Variants in NVL observed in about 807,000 individuals in gnomAD.
The protein encoded by NVL is nuclear VCP like, also known as nuclear valosin-containing protein-like.
In NVL, 84 loss-of-function variants were observed where a neutral mutation model predicts 110.2. That is an observed-to-expected ratio of 0.76 (90% CI 0.64 to 0.91). NVL has a LOEUF of 0.91. Among genes scored for constraint, NVL ranks in the 40% least tolerant of loss-of-function variants. NVL has a pLI of 0.00. For missense variants in NVL, 882 were observed against 1,035.9 expected (o/e 0.85, Z 2.04); for synonymous variants, 354 against 361.1 (o/e 0.98, Z 0.22).
intron 2 of NVL, among the ~76,000 whole-genome samples, chr1:224,323,248 T>C (rs1185991770): frequency 6.6e-6 from 1 of 152,154 alleles, no homozygotes; most frequent in Non-Finnish European, 1.5e-5. Flanking sequence ...AGCAAAGTGT[T>C]GAAGTGTGGC....
At chr1:224,290,894 G>A (rs971310626) in intron 12 of NVL, among the ~76,000 whole-genome samples, 20 of 151,802 alleles carry the variant, frequency 1.3e-4, no homozygotes, top group African/African-American at 3.4e-4. Context: ...TGCTTGAACC[G>A]GGAGGCAGAG....
intron 21 of NVL, 52 bp downstream of exon 21, chr1:224,233,149 A>G: frequency 6.8e-7 from 1 of 1,464,704 alleles, no homozygotes. Context: ...CCAGGGCAAC[A>G]GTGGTTTTAA....
intron 16 of NVL, among the ~76,000 whole-genome samples, chr1:224,279,725 C>T (rs561269551): frequency 1.3e-5 from 2 of 152,046 alleles, no homozygotes; most frequent in Non-Finnish European, 2.9e-5. Context: ...ATAAATATTT[C>T]AGTATCTCTA....
chr1:224,318,226 T>C (rs952512814), intron 2 of NVL, among the ~76,000 whole-genome samples: 12 of 152,202 alleles, frequency 7.9e-5, no homozygotes, highest in African/African-American at 2.4e-4. Flanking sequence ...TCTTTACCTA[T>C]AGTATTCTCA....
At chr1:224,254,319 C>G (rs1662896284) in intron 18 of NVL, among the ~76,000 whole-genome samples, 1 of 150,896 alleles carries the variant, frequency 6.6e-6, no homozygotes, top group African/African-American at 2.4e-5. Flanking sequence ...TCTCGAACTC[C>G]TGACCTCGTG....
At chr1:224,250,177 A>T in intron 19 of NVL, 35 bp downstream of exon 19, 1 of 1,595,428 alleles carries the variant, frequency 6.3e-7, no homozygotes, top group Non-Finnish European at 8.5e-7. Flanking sequence ...AAACAAGAGA[A>T]ACATATACAA....
chr1:224,308,171 T>C lies in NVL; in HGVS notation c.435A>G (p.Glu145=). The C allele has an allele frequency of 6.2e-7, 1 of 1,614,086 alleles. No homozygotes were observed. Among genetic ancestry groups the C allele is most frequent in the Non-Finnish European group, 8.5e-7 (1 of 1,180,004 alleles). The change falls in exon 6 of 23, where the codon GAA becomes GAG. Residue 145 remains glutamate (E), a synonymous_variant. Coordinates refer to ENST00000281701, the MANE Select transcript of NVL (RefSeq NM_002533.4). ...VSNTPEMEQR[E]TTSSTPRISS... ...TTATCCGTGGTGTTGAAGAGGTGGT[T>C]TCTCTTTGCTCCATCTCAGGAGTAT...
chr1:224,258,979 TAAAAAAAAAAAA>T lies in NVL; in HGVS notation c.2183-8673_2183-8662del, dbSNP rs34767555. ...TTAACATGAGACCCTGTCTCTACAT[TAAAAAAAAAAAA>T]AAAAAAAAAAAAGGAAAGTAGATTA... On this transcript the variant is annotated intron_variant, in intron 18 of 22. Transcript: ENST00000281701. 1.5e-4 allele frequency among the ~76,000 whole-genome samples: 9 copies of T among 60,210 alleles called. 1 individual carries two copies. The highest frequency in any genetic ancestry group is 2.4e-4 in the Admixed American group (1 of 4,082). The allele number at this position is 60,210 out of a possible 152,430, so 39.5% of individuals were successfully genotyped here.
intron 18 of NVL, among the ~76,000 whole-genome samples, chr1:224,259,742 C>G (rs1663742879): frequency 6.6e-6 from 1 of 152,012 alleles, no homozygotes; most frequent in Non-Finnish European, 1.5e-5. Flanking sequence ...ACAACTTTCA[C>G]TTTCCAGGTT....
intron 16 of NVL, among the ~76,000 whole-genome samples, chr1:224,278,379 C>T (rs1413033530): frequency 1.3e-5 from 2 of 151,896 alleles, no homozygotes; most frequent in Non-Finnish European, 2.9e-5. Flanking sequence ...ATTACAGACA[C>T]CCACCACCAT....
At chr1:224,301,708 G>T (rs1395032503) in intron 9 of NVL, 5 of 347,200 alleles carry the variant, frequency 1.4e-5, no homozygotes, top group Non-Finnish European at 2.9e-5. Flanking sequence ...GCTGAGGCAG[G>T]AGGATCATTT....
At chr1:224,295,498 C>G (rs1667793690) in intron 11 of NVL, among the ~76,000 whole-genome samples, 1 of 151,926 alleles carries the variant, frequency 6.6e-6, no homozygotes, top group South Asian at 2.1e-4. Flanking sequence ...CTGCGCCCAG[C>G]CACAGTGTGT....
Position 224,304,730 on chromosome 1 carries a change from A to C in NVL, c.825+6T>G, listed in dbSNP as rs1023762983. The C allele has an allele frequency of 6.2e-7, 1 of 1,609,980 alleles. No individual in the cohort carries two copies. On this transcript the variant is annotated splice_donor_region_variant and intron_variant, in intron 8 of 22. Transcript: ENST00000281701. Reference sequence around the variant, plus strand: ...ATTTGAGGTAAAATTCAGAATTTGCACTAACTTTTAATGTCATATCATTGC... The same window carrying C: ...ATTTGAGGTAAAATTCAGAATTTGCCCTAACTTTTAATGTCATATCATTGC...
At chr1:224,307,959 G>T in intron 6 of NVL, 32 bp downstream of exon 6, 1 of 1,507,596 alleles carries the variant, frequency 6.6e-7, no homozygotes, top group South Asian at 1.4e-5. Context: ...GTACTTCGAT[G>T]ATATGGGGCT....
chr1:224,327,632 T>C (rs1020051215), intron 1 of NVL, among the ~76,000 whole-genome samples: 1 of 151,534 alleles, frequency 6.6e-6, no homozygotes, highest in African/African-American at 2.4e-5. Flanking sequence ...CTGAAAAAAA[T>C]CAATCTGAAA....
At chr1:224,285,158 TG>T (rs1666733320) in intron 15 of NVL, among the ~76,000 whole-genome samples, 1 of 152,172 alleles carries the variant, frequency 6.6e-6, no homozygotes, top group Non-Finnish European at 1.5e-5. Context: ...TATTTGTGGC[TG>T]GGGGTGGTGG....
intron 1 of NVL, 103 bp from the exon 2 acceptor site, chr1:224,326,567 C>T (rs1002107557): frequency 2.9e-6 from 2 of 682,070 alleles, no homozygotes; most frequent in African/African-American, 1.8e-5. Flanking sequence ...TTAAGATAAA[C>T]TCTTCGTTAA....
At chr1:224,281,290 T>C (rs10916580) in intron 15 of NVL, 105 bp from the exon 16 acceptor site, 6 of 705,078 alleles carry the variant, frequency 8.5e-6, no homozygotes, top group Admixed American at 6.6e-5. Context: ...TGTGCGTGTG[T>C]GTGTGTGTGT....
At chr1:224,302,289 G>A (rs1441220343) in intron 9 of NVL, among the ~76,000 whole-genome samples, 1 of 151,710 alleles carries the variant, frequency 6.6e-6, no homozygotes, top group Non-Finnish European at 1.5e-5. Context: ...CGCGACCTCC[G>A]CCTCCAGGTT....
Sources: gnomAD v4.1 joint callset for allele counts (sites outside exome capture counted in the v4.1 genomes callset) on GRCh38, gnomAD v4.1.1 for gene constraint, MANE v1.5 for transcripts, NCBI Gene and HGNC (gene_info 2026-07-23, HGNC 2026-07-21) for gene names.